Variants in SYNPO2 observed in about 807,000 individuals in gnomAD.
The protein encoded by SYNPO2 is synaptopodin-2.
A neutral mutation model predicts 85.0 loss-of-function variants in SYNPO2; 56 were observed. That is an observed-to-expected ratio of 0.66 (90% CI 0.53 to 0.82). The LOEUF is 0.82. SYNPO2 is among the 40% of genes least tolerant of loss of function. The pLI, the probability that SYNPO2 is intolerant of heterozygous loss-of-function variation, is 0.00. For missense variants in SYNPO2, 1,575 were observed against 1,534.2 expected, an observed-to-expected ratio of 1.03 and a Z score of -0.44; for synonymous variants, 602 against 591.1, an observed-to-expected ratio of 1.02 and a Z score of -0.27.
At chr4:118,920,384 G>A (rs1404467150) in intron 1 of SYNPO2, among the ~76,000 whole-genome samples, 1 of 152,180 alleles carries the variant, frequency 6.6e-6, no homozygotes, top group East Asian at 1.9e-4. Context: ...TCTGTGTGCA[G>A]CTGGTGGTTG....
intron 1 of SYNPO2, among the ~76,000 whole-genome samples, chr4:118,864,066 C>A (rs1731662632): frequency 6.6e-6 from 1 of 151,994 alleles, no homozygotes. Flanking sequence ...TGAAGTTTTT[C>A]TTCTTTTCTG....
At chr4:118,986,641 T>C (rs751963541) in intron 1 of SYNPO2, among the ~76,000 whole-genome samples, 2 of 152,218 alleles carry the variant, frequency 1.3e-5, no homozygotes, top group Non-Finnish European at 2.9e-5. Context: ...ATTTAGTCTA[T>C]GATTTAGACT....
At chr4:119,053,609 A>G (rs894282011) in intron 4 of SYNPO2, among the ~76,000 whole-genome samples, 3 of 152,154 alleles carry the variant, frequency 2.0e-5, no homozygotes, top group Non-Finnish European at 2.9e-5. Flanking sequence ...TCAATACCAT[A>G]CCTCAATATT....
At chr4:119,003,784 G>T (rs1578632843) in intron 1 of SYNPO2, among the ~76,000 whole-genome samples, 1 of 152,092 alleles carries the variant, frequency 6.6e-6, no homozygotes, top group South Asian at 2.1e-4. Context: ...CTGTTTCTTG[G>T]CAAAGTCCTA....
chr4:118,861,555 G>A (rs1363129341), intron 1 of SYNPO2, among the ~76,000 whole-genome samples: 1 of 152,106 alleles, frequency 6.6e-6, no homozygotes, highest in Non-Finnish European at 1.5e-5. Flanking sequence ...TCTTTCTTCT[G>A]CATATGGATA....
intron 1 of SYNPO2, among the ~76,000 whole-genome samples, chr4:119,011,959 A>G (rs1233561048): frequency 8.0e-6 from 1 of 124,522 alleles, no homozygotes; most frequent in African/African-American, 3.1e-5. Flanking sequence ...GTCTCACTCT[A>G]TCACCCAGCT....
At chr4:118,941,917 T>G (rs1238551245) in intron 1 of SYNPO2, among the ~76,000 whole-genome samples, 1 of 152,204 alleles carries the variant, frequency 6.6e-6, no homozygotes, top group Non-Finnish European at 1.5e-5. Context: ...AGTTTAGGGT[T>G]AGCCAGTTTT....
chr4:118,896,025 T>C (rs1229094382), intron 1 of SYNPO2, among the ~76,000 whole-genome samples: 1 of 152,216 alleles, frequency 6.6e-6, no homozygotes, highest in Non-Finnish European at 1.5e-5. Flanking sequence ...AAACTGATCC[T>C]GAAAAATAAA....
intron 1 of SYNPO2, among the ~76,000 whole-genome samples, chr4:118,880,053 T>C (rs1732051657): frequency 6.6e-6 from 1 of 152,164 alleles, no homozygotes; most frequent in Non-Finnish European, 1.5e-5. Context: ...CATCATTTCG[T>C]GAAGGTTAGG....
At position 119,012,468 on chromosome 4, in the gene SYNPO2, T is replaced by A. The variant is rs185423557; in HGVS notation, c.106-10962T>A. ...CATAGGTATACATGTGTCATGGTGGTTTGCTGCACCTATCAACCTGTCATC... is the reference window on the plus strand; with the variant it reads ...CATAGGTATACATGTGTCATGGTGGATTGCTGCACCTATCAACCTGTCATC... On this transcript the variant is annotated intron_variant, in intron 1 of 4. Transcript: ENST00000307142. 2.8e-4 allele frequency among the ~76,000 whole-genome samples: 43 copies of A among 150,940 alleles called. No individual in the cohort carries two copies. The East Asian group carries it at 4.7e-3, about 17-fold the overall frequency.
chr4:119,057,506 G>A lies in SYNPO2; in HGVS notation c.3358G>A (p.Asp1120Asn), dbSNP rs1308307269. 5.6e-6 allele frequency: 9 copies of A among 1,613,994 alleles called. No homozygotes were observed. The South Asian group carries it at 6.6e-5, about 12-fold the overall frequency. The change falls in exon 5 of 5, where the codon GAT becomes AAT. Residue 1120 changes from aspartate to asparagine, a missense_variant. Around this residue, in one of 3 missense-constraint regions of SYNPO2, gnomAD observed 1,508 missense variants for 1,446.8 expected, o/e 1.04. Transcript: ENST00000307142. ...TTATAGTTACTCTAGTAAACCAACC[G>A]ATGGACTAGAGAAAGCAAACAAGAG... ...PTYSYSSKPT[D>N]GLEKANKRPT...
chr4:118,914,369 G>A (rs548812255), intron 1 of SYNPO2, among the ~76,000 whole-genome samples: 1 of 152,206 alleles, frequency 6.6e-6, no homozygotes, highest in South Asian at 2.1e-4. Flanking sequence ...CAAGAGAACA[G>A]AGTATGTACA....
upstream of SYNPO2, among the ~76,000 whole-genome samples, chr4:118,886,473 A>G (rs969702677): frequency 2.6e-5 from 4 of 151,764 alleles, no homozygotes; most frequent in African/African-American, 9.7e-5. Flanking sequence ...TCATTGTTCA[A>G]CTCCCACTTA....
intron 1 of SYNPO2, among the ~76,000 whole-genome samples, chr4:119,021,640 A>G (rs748371926): frequency 2.0e-5 from 3 of 152,220 alleles, no homozygotes; most frequent in East Asian, 1.9e-4. Context: ...ATGCTCAAAG[A>G]AGAATTCAAT....
chr4:119,007,793 A>G (rs1737139226), intron 1 of SYNPO2, among the ~76,000 whole-genome samples: 1 of 152,198 alleles, frequency 6.6e-6, no homozygotes, highest in Non-Finnish European at 1.5e-5. Context: ...AACCGACAAA[A>G]CATTTACTTA....
intron 1 of SYNPO2, among the ~76,000 whole-genome samples, chr4:118,923,389 A>G (rs1011422206): frequency 6.6e-6 from 1 of 152,030 alleles, no homozygotes; most frequent in East Asian, 1.9e-4. Context: ...ACCAGGGCCT[A>G]TTTGAGGATG....
rs1451454554 is a variant in SYNPO2 at position 118,876,662 on chromosome 4, CCTTTCT to C, written c.12+25729_12+25734del. Among the ~76,000 whole-genome samples the C allele has an allele frequency of 3.8e-3, 532 of 141,742 alleles. 4 individuals are homozygous for C. Among genetic ancestry groups the C allele is most frequent in the Non-Finnish European group, 5.9e-3 (371 of 63,076 alleles). The allele number at this position is 141,742 out of a possible 152,430, so 93.0% of individuals were successfully genotyped here. A position where few individuals can be genotyped will look rare whatever the true frequency, so the allele number is the denominator to read the frequency against. On this transcript the variant is annotated intron_variant, in intron 1 of 4. Coordinates refer to the SYNPO2 transcript ENST00000610556. ...TCCTTCCTTTCTTCCTTCCTTCCTTCCTTTCTCTTTCTTTCTTTCTTTCTTTCTTTC... is the reference window on the plus strand; with the variant it reads ...TCCTTCCTTTCTTCCTTCCTTCCTTCCTTTCTTTCTTTCTTTCTTTCTTTC...
intron 4 of SYNPO2, chr4:119,036,817 C>G: frequency 9.7e-7 from 1 of 1,031,396 alleles, no homozygotes; most frequent in Non-Finnish European, 1.2e-6. Context: ...CACAGCACTA[C>G]TCAGAGGCAA....
intron 1 of SYNPO2, among the ~76,000 whole-genome samples, chr4:118,883,585 A>G: frequency 6.6e-6 from 1 of 152,224 alleles, no homozygotes; most frequent in East Asian, 1.9e-4. Context: ...TGGTAGTATA[A>G]AATAAAGTAT....
Sources: gnomAD v4.1 joint callset for allele counts (sites outside exome capture counted in the v4.1 genomes callset) on GRCh38, gnomAD v4.1.1 for gene constraint, gnomAD v4.1.1 regional missense constraint, MANE v1.5 for transcripts, NCBI Gene and HGNC (gene_info 2026-07-23, HGNC 2026-07-21) for gene names.